RP1L1: variants seen among roughly 807,000 people sequenced by gnomAD.
The protein encoded by RP1L1 is RP1 like 1, also known as retinitis pigmentosa 1-like 1 protein.
In RP1L1, 27 loss-of-function variants were observed where a neutral mutation model predicts 15.7. The ratio of observed to expected loss-of-function variants is 1.72; its 90% CI spans 1.27 to 2.38. RP1L1 has a LOEUF of 2.38. Among genes scored for constraint, RP1L1 ranks in the 30% most tolerant of loss-of-function variants. The pLI is 0.00. For synonymous variants in RP1L1, 1,813 were observed against 1,276.7 expected, an observed-to-expected ratio of 1.42 and a Z score of -8.96; for missense variants, 4,798 against 3,075.9, an observed-to-expected ratio of 1.56 and a Z score of -13.24.
In RP1L1 at chr8:10,612,636, G is replaced by A. The variant is rs978884122; in HGVS notation, c.1462C>T (p.Gln488Ter). The A allele has an allele frequency of 1.9e-6, 3 of 1,602,024 alleles. No individual in the cohort carries two copies. Among genetic ancestry groups the A allele is most frequent in the African/African-American group, 2.7e-5 (2 of 74,822 alleles). The change falls in exon 4 of 4, where the codon CAG (glutamine) becomes TAG (stop). Residue 488 changes from glutamine to a stop codon, truncating the protein, a stop_gained. Transcript: ENST00000382483. LOFTEE classifies it low-confidence loss of function (END_TRUNC). ...DGVDSASPSAQIGAERKAGGS... is the reference protein window; with the variant it reads ...DGVDSASPSA ...CCAGCTTTCCGCTCAGCCCCTATCT[G>A]GGCAGAGGGGCTGGCACTGTCCACC...
In RP1L1 at chr8:10,613,243, C is replaced by T. The variant is rs1191516931; in HGVS notation, c.855G>A (p.Val285=). 1 of 1,612,480 alleles carries T rather than the reference C, an allele frequency of 6.2e-7. No homozygotes were observed. Residue 285 remains valine (V), a synonymous_variant, in exon 4 of 4, where the codon GTG becomes GTA. Coordinates refer to ENST00000382483, the MANE Select transcript of RP1L1 (RefSeq NM_178857.6). ...GAGGGTGCCTGCCAGGAGCAGGGCCCACCGGGGGGTTGCTAGGACCAGGCC... is the reference window on the plus strand; with the variant it reads ...GAGGGTGCCTGCCAGGAGCAGGGCCTACCGGGGGGTTGCTAGGACCAGGCC... ...PERPGPSNPP[V]GPAPGRHPQD... is the part of the protein sequence containing the mutation.
intron 1 of RP1L1, among the ~76,000 whole-genome samples, chr8:10,651,684 G>C (rs910271372): frequency 7.3e-5 from 11 of 151,344 alleles, no homozygotes; most frequent in Admixed American, 4.6e-4. Flanking sequence ...TTGAACTCAG[G>C]AGGCGGAGGC....
Position 10,609,024 on chromosome 8 carries a change from T to A in RP1L1, c.5074A>T (p.Ile1692Phe). Residue 1692 changes from isoleucine to phenylalanine, a missense_variant, in exon 4 of 4, where the codon ATT becomes TTT. Physicochemically the swap from Ile to Phe is conservative, Grantham distance 21. Transcript: ENST00000382483. ...TGTTCTCCCCTCTTCCTCTGCAGAA[T>A]CTGCTGCAGGTCAAAGGCCTCTTTG... The part of the protein sequence containing the change: ...PIKEAFDLQQ[I>F]LQRKRGEHTD... 6.2e-7 allele frequency: 1 copy of A among 1,613,560 alleles called. No individual in the cohort carries two copies. Among genetic ancestry groups the A allele is most frequent in the Non-Finnish European group, 8.5e-7 (1 of 1,179,524 alleles).
rs74400517 is a variant in RP1L1 at position 10,612,638 on chromosome 8, G to A, written c.1460C>T (p.Ala487Val). The A allele has an allele frequency of 0.092, 147,959 of 1,602,502 alleles. 7,663 individuals carry two copies. Among genetic ancestry groups the A allele is most frequent in the Non-Finnish European group, 0.11 (126,105 of 1,179,540 alleles). The change falls in exon 4 of 4, where the codon GCC becomes GTC. Residue 487 changes from alanine (A) to valine (V), a missense_variant. Physicochemically the swap from Ala to Val is moderately conservative, Grantham distance 64. Coordinates refer to ENST00000382483, the MANE Select transcript of RP1L1 (RefSeq NM_178857.6). ...EDGVDSASPSAQIGAERKAGG... is the reference protein window; with the variant it reads ...EDGVDSASPSVQIGAERKAGG... ...AGCTTTCCGCTCAGCCCCTATCTGG[G>A]CAGAGGGGCTGGCACTGTCCACCCC...
rs201753844 is a variant in RP1L1, at chr8:10,616,575, G to A, written c.622C>T (p.Gln208Ter). Reference sequence around the variant, plus strand: ...ACAGAGGGGCTGTGCAGCAGGGCCTGCAGCGAGTCCACCTGAGGGAGGAGC... The same window carrying A: ...ACAGAGGGGCTGTGCAGCAGGGCCTACAGCGAGTCCACCTGAGGGAGGAGC... ...TTSGKKVDSL[Q>*]ALLHSPSVLV... Residue 208 changes from glutamine (Q) to a stop codon, truncating the protein, a stop_gained, in exon 3 of 4, where the codon CAG becomes TAG. Coordinates refer to ENST00000382483, the MANE Select transcript of RP1L1 (RefSeq NM_178857.6). LOFTEE classifies it high-confidence loss of function. 25 of 1,612,500 alleles carry A rather than the reference G, an allele frequency of 1.6e-5. No individual in the cohort carries two copies. Among genetic ancestry groups the A allele is most frequent in the Non-Finnish European group, 1.9e-5 (23 of 1,179,850 alleles).
At chr8:10,621,042 T>C (rs1447868798) in intron 2 of RP1L1, 2 of 152,384 alleles carry the variant, frequency 1.3e-5, no homozygotes, top group East Asian at 3.9e-4. Flanking sequence ...ATTTTTGTCA[T>C]AGCTCTGCTA....
chr8:10,619,373 T>C (rs928046139), intron 2 of RP1L1, among the ~76,000 whole-genome samples: 3 of 152,238 alleles, frequency 2.0e-5, no homozygotes, highest in Non-Finnish European at 4.4e-5. Flanking sequence ...CATGTGCCAC[T>C]GAGACATCAA....
At position 10,611,533 on chromosome 8, in the gene RP1L1, G is replaced by C; in HGVS notation, c.2565C>G (p.Thr855=). ...ASWLCGRYCP[T]PPRGRPCPQR... is the part of the protein sequence containing the mutation. ...GGGGGCAGGGCCGCCCCCTGGGCGG[G>C]GTGGGACAGTACCTGCCACACAGCC... The change falls in exon 4 of 4, where the codon ACC becomes ACG. Residue 855 remains threonine (T), a synonymous_variant. Transcript: ENST00000382483. 1 of 1,589,418 alleles carries C rather than the reference G, an allele frequency of 6.3e-7. No homozygotes were observed.
Position 10,607,574 on chromosome 8 carries a change from G to A in RP1L1, c.6524C>T (p.Pro2175Leu). 3 of 1,565,628 alleles carry A rather than the reference G, an allele frequency of 1.9e-6. No individual in the cohort carries two copies. Among genetic ancestry groups the A allele is most frequent in the Non-Finnish European group, 2.6e-6 (3 of 1,145,962 alleles). Reference sequence around the variant, plus strand: ...TGGGGCCTCTACACCTTCTAACTCTGGTTGGGCCTCCTCTTCAGCCTCCTG... The same window carrying A: ...TGGGGCCTCTACACCTTCTAACTCTAGTTGGGCCTCCTCTTCAGCCTCCTG... The part of the protein sequence containing the change: ...EAQEAEEEAQ[P>L]ELEGVEAPEA... The change falls in exon 4 of 4, where the codon CCA becomes CTA. Residue 2175 changes from proline to leucine, a missense_variant. Coordinates refer to ENST00000382483, the MANE Select transcript of RP1L1 (RefSeq NM_178857.6).
At chr8:10,632,693 C>T (rs889133947) in intron 1 of RP1L1, among the ~76,000 whole-genome samples, 1 of 152,180 alleles carries the variant, frequency 6.6e-6, no homozygotes, top group Non-Finnish European at 1.5e-5. Flanking sequence ...TGTAGGTGCT[C>T]GGGAACTATT....
chr8:10,607,336 C>T lies in RP1L1; in HGVS notation c.6762G>A (p.Gln2254=), dbSNP rs999673892. The T allele has an allele frequency of 6.2e-7, 1 of 1,614,234 alleles. No individual in the cohort carries two copies. The highest frequency in any genetic ancestry group is 2.2e-5 in the East Asian group (1 of 44,886). Residue 2254 remains glutamine (Q), a synonymous_variant, in exon 4 of 4, where the codon CAG becomes CAA. Coordinates refer to ENST00000382483, the MANE Select transcript of RP1L1 (RefSeq NM_178857.6). ...ETQGEKKGSP[Q]VSLGDGQSEE... ...CAGATTGGCCATCTCCTAGACTGAC[C>T]TGAGGGCTCCCCTTTTTCTCACCTT...
In RP1L1 at chr8:10,612,526, C is replaced by T. The variant is rs1159715810; in HGVS notation, c.1572G>A (p.Arg524=). Residue 524 remains arginine, a synonymous_variant, in exon 4 of 4, where the codon AGG becomes AGA. Transcript: ENST00000382483. ...GPEQGGRLTP[R]ARSEEGASSD... ...AAGAAGCCCCCTCCTCACTCCGGGC[C>T]CTCGGTGTCAGGCGGCCGCCTTGCT... 1.4e-5 allele frequency: 23 copies of T among 1,611,072 alleles called. No individual in the cohort carries two copies. In the South Asian group the frequency reaches 2.4e-4, roughly 17 times the overall value.
intron 1 of RP1L1, among the ~76,000 whole-genome samples, chr8:10,633,003 G>A (rs1254846075): frequency 2.6e-5 from 4 of 152,186 alleles, no homozygotes. Context: ...CAGTGCCTTG[G>A]GGGTCACTCT....
At chr8:10,620,563 G>A (rs528244379) in intron 2 of RP1L1, among the ~76,000 whole-genome samples, 4 of 152,174 alleles carry the variant, frequency 2.6e-5, no homozygotes, top group Non-Finnish European at 4.4e-5. Flanking sequence ...CCGAGATCGC[G>A]CCACTGCACC....
At chr8:10,638,452 C>A (rs868235113) in intron 1 of RP1L1, among the ~76,000 whole-genome samples, 57 of 151,960 alleles carry the variant, frequency 3.8e-4, no homozygotes, top group African/African-American at 1.4e-3. Flanking sequence ...TTTTATCCCA[C>A]GAAATTAGAT....
chr8:10,648,314 G>A (rs1230016107), intron 1 of RP1L1, among the ~76,000 whole-genome samples: 1 of 152,122 alleles, frequency 6.6e-6, no homozygotes, highest in African/African-American at 2.4e-5. Flanking sequence ...TTACAGGTGT[G>A]AGCCACCGCA....
At chr8:10,622,535 A>G (rs895223808) in intron 2 of RP1L1, 58 bp downstream of exon 2, 16 of 1,607,952 alleles carry the variant, frequency 1.0e-5, no homozygotes, top group East Asian at 6.7e-5. Flanking sequence ...CCATGTGAGT[A>G]TTTTGACCTC....
rs762679142 is a variant in RP1L1 at position 10,610,797 on chromosome 8, G to T, written c.3301C>A (p.Pro1101Thr). 1 of 1,611,234 alleles carries T rather than the reference G, an allele frequency of 6.2e-7. No individual in the cohort carries two copies. Among genetic ancestry groups the T allele is most frequent in the Non-Finnish European group, 8.5e-7 (1 of 1,178,510 alleles). ...GSKQGRPSSV[P>T]EVSRPMARRL... Reference sequence around the variant, plus strand: ...CTGGCCATGGGCCTAGACACTTCGGGCACGCTGCTGGGCCGGCCCTGCTTG... The same window carrying T: ...CTGGCCATGGGCCTAGACACTTCGGTCACGCTGCTGGGCCGGCCCTGCTTG... Residue 1101 changes from proline to threonine, a missense_variant, in exon 4 of 4, where the codon CCC becomes ACC. Pro to Thr is a conservative substitution (Grantham distance 38). Coordinates refer to ENST00000382483, the MANE Select transcript of RP1L1 (RefSeq NM_178857.6).
intron 1 of RP1L1, among the ~76,000 whole-genome samples, chr8:10,628,112 C>T (rs898312309): frequency 1.3e-5 from 2 of 152,204 alleles, no homozygotes; most frequent in African/African-American, 4.8e-5. Context: ...ATGAGCCCAA[C>T]TAGGCTCTGC....
Sources: allele counts gnomAD v4.1 joint callset (sites outside exome capture counted in the v4.1 genomes callset), GRCh38; gene constraint gnomAD v4.1.1; transcripts MANE v1.5; gene names NCBI Gene and HGNC (gene_info 2026-07-23, HGNC 2026-07-21).